The following PTPRN2 variants were observed in gnomAD, a reference collection of about 807,000 sequenced individuals.
PTPRN2 encodes protein tyrosine phosphatase receptor type N2.
In PTPRN2, 74 loss-of-function variants were observed where a neutral mutation model predicts 118.8. The ratio of observed to expected loss-of-function variants is 0.62; its 90% CI spans 0.52 to 0.76. The LOEUF is 0.76. Among genes scored for constraint, PTPRN2 ranks in the 30% least tolerant of loss-of-function variants. The probability of loss-of-function intolerance (pLI) is 0.00; values close to 1 mark genes in which losing one functional copy is unlikely to be tolerated. For missense variants in PTPRN2, 1,481 were observed against 1,394.4 expected, an observed-to-expected ratio of 1.06 and a Z score of -0.99; for synonymous variants, 641 against 608.0, an observed-to-expected ratio of 1.05 and a Z score of -0.80.
At chr7:158,105,281 TC>T (rs1416148411) in intron 10 of PTPRN2, among the ~76,000 whole-genome samples, 1 of 117,432 alleles carries the variant, frequency 8.5e-6, no homozygotes, top group East Asian at 2.4e-4. Flanking sequence ...CTCAGCTCCA[TC>T]AAACTCCATC....
chr7:158,020,246 C>T (rs577000558), intron 11 of PTPRN2, among the ~76,000 whole-genome samples: 1 of 152,372 alleles, frequency 6.6e-6, no homozygotes, highest in Non-Finnish European at 1.5e-5. Flanking sequence ...TGCAACTTAC[C>T]TCCTTCAGCC....
chr7:157,953,575 C>G lies in PTPRN2; in HGVS notation c.1724-54838G>C, dbSNP rs746015469. Among the ~76,000 whole-genome samples, 7 of 152,120 alleles carry G rather than the reference C, an allele frequency of 4.6e-5. No individual in the cohort carries two copies. Among genetic ancestry groups the G allele is most frequent in the African/African-American group, 1.7e-4 (7 of 41,422 alleles). ...ACCTGGATCCACATGGCTGGAGGTC[C>G]GGTGTCCCTAAAGACTTCTATGACA... On this transcript the variant is annotated intron_variant, in intron 11 of 22. Transcript: ENST00000389418. This position sits in a 1 kb window ranked among gnomAD's most constrained non-coding sequence, Gnocchi z 4.6.
intron 11 of PTPRN2, among the ~76,000 whole-genome samples, chr7:158,059,282 C>T (rs545151288): frequency 0.022 from 2,940 of 133,880 alleles, 9 homozygotes; most frequent in Non-Finnish European, 0.031. Flanking sequence ...TCCATCTGCA[C>T]ACAGTGACAC....
chr7:157,628,335 C>T (rs144309936), intron 14 of PTPRN2, among the ~76,000 whole-genome samples: 1 of 152,224 alleles, frequency 6.6e-6, no homozygotes, highest in Admixed American at 6.5e-5. Flanking sequence ...TTTCTAGGAA[C>T]ACGGAGCACA....
intron 11 of PTPRN2, among the ~76,000 whole-genome samples, chr7:157,958,571 T>C (rs10227627): frequency 0.016 from 2,383 of 152,248 alleles, 52 homozygotes; most frequent in African/African-American, 0.05. Flanking sequence ...AGTTGCAGGG[T>C]ATAAAATCAA....
intron 11 of PTPRN2, among the ~76,000 whole-genome samples, chr7:158,005,092 G>A (rs1228785535): frequency 1.6e-5 from 2 of 125,150 alleles, no homozygotes; most frequent in South Asian, 2.6e-4. Context: ...TTTTTTTTTC[G>A]AGACGGAGTC....
intron 3 of PTPRN2, among the ~76,000 whole-genome samples, chr7:158,284,480 T>C (rs1007359295): frequency 2.6e-5 from 4 of 152,220 alleles, no homozygotes; most frequent in Non-Finnish European, 4.4e-5. Context: ...AGATCCACTC[T>C]GCAAACCCTT....
At chr7:158,336,722 A>T (rs62481665) in intron 2 of PTPRN2, among the ~76,000 whole-genome samples, 39,523 of 72,978 alleles carry the variant, frequency 0.54, 10,788 homozygotes, top group Middle Eastern at 0.6. Flanking sequence ...ACTCTCACCA[A>T]AAGAGCTGAC....
At chr7:158,503,261 A>C (rs1433358848) in intron 1 of PTPRN2, among the ~76,000 whole-genome samples, 1 of 152,240 alleles carries the variant, frequency 6.6e-6, no homozygotes, top group African/African-American at 2.4e-5. Context: ...CTTCTCATCC[A>C]TGTGTAATTC....
At chr7:157,582,116 T>G (rs759212759) in intron 17 of PTPRN2, among the ~76,000 whole-genome samples, 8 of 152,152 alleles carry the variant, frequency 5.3e-5, no homozygotes. Context: ...TTGCAGCACC[T>G]TGTGATGTCA....
chr7:157,703,521 T>G (rs1798180330), intron 12 of PTPRN2, among the ~76,000 whole-genome samples: 1 of 152,166 alleles, frequency 6.6e-6, no homozygotes, highest in African/African-American at 2.4e-5. Flanking sequence ...AAGCTAAGTT[T>G]CGGGATAACT....
At chr7:158,257,702 G>A (rs1177483137) in intron 3 of PTPRN2, among the ~76,000 whole-genome samples, 1 of 152,236 alleles carries the variant, frequency 6.6e-6, no homozygotes, top group Non-Finnish European at 1.5e-5. Context: ...TCCGCTCCTG[G>A]AGGACTGACC....
At chr7:157,908,472 A>G (rs945904263) in intron 11 of PTPRN2, among the ~76,000 whole-genome samples, 65 of 152,258 alleles carry the variant, frequency 4.3e-4, no homozygotes, top group African/African-American at 1.4e-3. Flanking sequence ...TGCATAAAGA[A>G]GTATCCGTTC....
At chr7:157,565,818 C>T (rs221292) in intron 21 of PTPRN2, among the ~76,000 whole-genome samples, 145,404 of 152,276 alleles carry the variant, frequency 0.95, 69,543 homozygotes, top group Middle Eastern at 1. Context: ...GAGAGAGGAA[C>T]AGGCTACCTA....
chr7:158,330,512 C>A (rs368059301), intron 2 of PTPRN2, among the ~76,000 whole-genome samples: 6,100 of 48,304 alleles, frequency 0.13, no homozygotes, highest in South Asian at 0.16. Flanking sequence ...ACGTCACTCA[C>A]ACCCACACTC....
intron 1 of PTPRN2, among the ~76,000 whole-genome samples, chr7:158,523,373 T>TCGTCTGCCCTGGAGC (rs1824371188): frequency 2.0e-5 from 2 of 100,048 alleles, no homozygotes; most frequent in African/African-American, 6.6e-5. Flanking sequence ...TGCCCTGGAG[T>TCGTCTGCCCTGGAGC]GGAGTCGTCT....
chr7:158,159,686 C>T (rs143577727), intron 6 of PTPRN2, among the ~76,000 whole-genome samples: 20 of 152,100 alleles, frequency 1.3e-4, no homozygotes, highest in Admixed American at 7.2e-4. Context: ...ATTTAGAAAA[C>T]GGTGTCTGAT....
At chr7:158,455,305 G>A (rs1818391867) in intron 2 of PTPRN2, among the ~76,000 whole-genome samples, 1 of 4,594 alleles carries the variant, frequency 2.2e-4, no homozygotes, top group Non-Finnish European at 4.1e-4. Context: ...ACAACGGCAC[G>A]GACGCCATCG....
chr7:158,316,316 AAAG>A (rs143220192), intron 3 of PTPRN2, among the ~76,000 whole-genome samples: 264 of 152,308 alleles, frequency 1.7e-3, no homozygotes, highest in African/African-American at 6.2e-3. Flanking sequence ...CTTCACAGTC[AAAG>A]AAGCGCAGCA....
Sources: allele counts gnomAD v4.1 joint callset (sites outside exome capture counted in the v4.1 genomes callset), GRCh38; gene constraint gnomAD v4.1.1; non-coding constraint Gnocchi (gnomAD v3.1); transcripts MANE v1.5; gene names NCBI Gene and HGNC (gene_info 2026-07-23, HGNC 2026-07-21).